NARS2: variants seen among roughly 807,000 people sequenced by gnomAD.
NARS2 encodes the protein asparaginyl-tRNA synthetase 2, mitochondrial, also known as asparaginyl-tRNA synthetase.
A neutral mutation model predicts 62.9 loss-of-function variants in NARS2; 60 were observed. That is an observed-to-expected ratio of 0.95 (90% CI 0.77 to 1.18). The LOEUF (loss-of-function observed/expected upper bound fraction) is 1.18, where lower values mean the gene tolerates loss of function less well. NARS2 is among the 50% of genes most tolerant of loss of function. The probability of loss-of-function intolerance (pLI) is 0.00; values close to 1 mark genes in which losing one functional copy is unlikely to be tolerated. For missense variants in NARS2, 619 were observed against 576.4 expected, an observed-to-expected ratio of 1.07 and a Z score of -0.76; for synonymous variants, 196 against 200.0, an observed-to-expected ratio of 0.98 and a Z score of 0.17.
intron 11 of NARS2, among the ~76,000 whole-genome samples, chr11:78,456,050 TTAATC>T (rs1858151848): frequency 6.6e-6 from 1 of 152,176 alleles, no homozygotes; most frequent in Admixed American, 6.5e-5. Context: ...TCTTACAAAG[TTAATC>T]TTATTTAGTT....
At chr11:78,500,815 G>A (rs1337497036) in intron 6 of NARS2, among the ~76,000 whole-genome samples, 4 of 152,088 alleles carry the variant, frequency 2.6e-5, no homozygotes, top group Admixed American at 6.6e-5. Flanking sequence ...TGACAAGGCC[G>A]CACACGGTGG....
chr11:78,492,124 C>CACAT (rs1859848141), intron 7 of NARS2, among the ~76,000 whole-genome samples: 1 of 151,684 alleles, frequency 6.6e-6, no homozygotes, highest in Non-Finnish European at 1.5e-5. Context: ...CACACACACA[C>CACAT]ACACACACAC....
chr11:78,438,493 A>G (rs892444439), intron 13 of NARS2, among the ~76,000 whole-genome samples: 2 of 152,198 alleles, frequency 1.3e-5, no homozygotes, highest in Non-Finnish European at 2.9e-5. Flanking sequence ...GTCCAGCAAT[A>G]GTTTTAGATG....
chr11:78,524,644 A>T (rs1460106819), intron 6 of NARS2, among the ~76,000 whole-genome samples: 1 of 152,102 alleles, frequency 6.6e-6, no homozygotes, highest in African/African-American at 2.4e-5. Flanking sequence ...AATTATATTC[A>T]TAAGCAAAAT....
At chr11:78,536,319 T>G (rs762477130) in intron 5 of NARS2, among the ~76,000 whole-genome samples, 6 of 152,208 alleles carry the variant, frequency 3.9e-5, no homozygotes, top group Non-Finnish European at 8.8e-5. Flanking sequence ...AGAAGTTAAC[T>G]GTAAAACAAG....
intron 9 of NARS2, among the ~76,000 whole-genome samples, chr11:78,471,895 T>C (rs965420789): frequency 2.0e-5 from 3 of 152,178 alleles, no homozygotes; most frequent in African/African-American, 7.2e-5. Flanking sequence ...TAGTATTCCA[T>C]GGTGTATATG....
intron 11 of NARS2, among the ~76,000 whole-genome samples, chr11:78,459,260 GTTTT>G (rs906232744): frequency 1.4e-5 from 2 of 145,620 alleles, no homozygotes; most frequent in Non-Finnish European, 3.0e-5. Flanking sequence ...TTTTTTTTTT[GTTTT>G]GTTTTGTTTG....
chr11:78,543,574 G>A (rs1220243545), intron 5 of NARS2, among the ~76,000 whole-genome samples: 4 of 151,702 alleles, frequency 2.6e-5, no homozygotes, highest in African/African-American at 9.7e-5. Context: ...CCATTTGTAG[G>A]AAAAAAAATA....
At chr11:78,450,689 T>C (rs537328698) in intron 11 of NARS2, among the ~76,000 whole-genome samples, 11 of 135,250 alleles carry the variant, frequency 8.1e-5, no homozygotes, top group Admixed American at 5.4e-4. Context: ...TTTTTTTTTT[T>C]CCTGAGACTG....
At chr11:78,501,259 G>A (rs1860274027) in intron 6 of NARS2, among the ~76,000 whole-genome samples, 1 of 152,132 alleles carries the variant, frequency 6.6e-6, no homozygotes, top group Admixed American at 6.6e-5. Flanking sequence ...CTTAACAAAA[G>A]GTGGCTAGAT....
At chr11:78,482,534 G>A (rs1168184914) in intron 7 of NARS2, among the ~76,000 whole-genome samples, 4 of 151,922 alleles carry the variant, frequency 2.6e-5, no homozygotes, top group African/African-American at 9.7e-5. Context: ...GAATCAAATA[G>A]ACACAATAAA....
At chr11:78,492,077 GCT>G (rs1393910256) in intron 7 of NARS2, among the ~76,000 whole-genome samples, 1 of 149,650 alleles carries the variant, frequency 6.7e-6, no homozygotes, top group African/African-American at 2.5e-5. Flanking sequence ...CATAAATTAT[GCT>G]AAGTACTTCA....
intron 5 of NARS2, among the ~76,000 whole-genome samples, chr11:78,538,302 C>T (rs1158519069): frequency 6.6e-6 from 1 of 152,182 alleles, no homozygotes; most frequent in Non-Finnish European, 1.5e-5. Context: ...AATGACCCTT[C>T]TCTGCATTTC....
At chr11:78,499,383 A>AG (rs1388929054) in intron 6 of NARS2, among the ~76,000 whole-genome samples, 1 of 152,146 alleles carries the variant, frequency 6.6e-6, no homozygotes, top group African/African-American at 2.4e-5. Flanking sequence ...CTCCTGCCTC[A>AG]GGCTTCCAAG....
chr11:78,462,859 G>A (rs1486833480), intron 11 of NARS2, among the ~76,000 whole-genome samples: 1 of 151,976 alleles, frequency 6.6e-6, no homozygotes. Flanking sequence ...CTGTTTACTA[G>A]TGGGCCCTAA....
intron 6 of NARS2, among the ~76,000 whole-genome samples, chr11:78,497,241 GAA>G (rs35740309): frequency 1.2e-4 from 13 of 107,282 alleles, no homozygotes; most frequent in South Asian, 6.0e-4. Context: ...AAGCAAAATT[GAA>G]AAAAAAAAAA....
intron 6 of NARS2, among the ~76,000 whole-genome samples, chr11:78,512,354 C>T (rs79249133): frequency 1.3e-4 from 20 of 152,236 alleles, no homozygotes; most frequent in African/African-American, 4.8e-4. Context: ...TCTTCCTGGC[C>T]ACACTACCTT....
intron 6 of NARS2, among the ~76,000 whole-genome samples, chr11:78,525,021 T>G (rs1245329866): frequency 6.6e-6 from 1 of 152,090 alleles, no homozygotes; most frequent in Non-Finnish European, 1.5e-5. Context: ...TTCATATTAC[T>G]AAGCAAAAGA....
chr11:78,438,405 T>C (rs1382256333), intron 13 of NARS2, among the ~76,000 whole-genome samples: 1 of 152,076 alleles, frequency 6.6e-6, no homozygotes, highest in Non-Finnish European at 1.5e-5. Flanking sequence ...AGAGTACACT[T>C]TGACTCAGTG....
Sources: allele counts gnomAD v4.1 joint callset (sites outside exome capture counted in the v4.1 genomes callset), GRCh38; gene constraint gnomAD v4.1.1; transcripts MANE v1.5; gene names NCBI Gene and HGNC (gene_info 2026-07-23, HGNC 2026-07-21).